The following YLPM1 variants were observed in gnomAD, a reference collection of about 807,000 sequenced individuals.
YLPM1 encodes the protein YLP motif containing 1, also known as YLP motif-containing protein 1.
A neutral mutation model predicts 230.0 loss-of-function variants in YLPM1; 99 were observed. The ratio of observed to expected loss-of-function variants is 0.43; its 90% CI spans 0.37 to 0.51. The LOEUF (loss-of-function observed/expected upper bound fraction) is 0.51, where lower values mean the gene tolerates loss of function less well. Ranked by LOEUF, YLPM1 falls within the 20% of genes least tolerant of loss-of-function variation. The pLI, the probability that YLPM1 is intolerant of heterozygous loss-of-function variation, is 0.00. For missense variants in YLPM1, 2,592 were observed against 2,707.7 expected (o/e 0.96, Z 0.95); for synonymous variants, 984 against 942.5 (o/e 1.04, Z -0.81).
At chr14:74,831,083 T>G (rs150813188) in intron 19 of YLPM1, among the ~76,000 whole-genome samples, 1 of 152,204 alleles carries the variant, frequency 6.6e-6, no homozygotes, top group South Asian at 2.1e-4. Flanking sequence ...AATCAAACTC[T>G]TTAACTTTTG....
At position 74,799,126 on chromosome 14, in the gene YLPM1, G is replaced by C; in HGVS notation, c.3829G>C (p.Asp1277His). Reference protein sequence around the residue: ...DWERDQDMDEDYNREMERDMD... With the variant: ...DWERDQDMDEHYNREMERDMD... ...GGAGAGAGACCAGGATATGGATGAG[G>C]ACTACAATAGGGAAATGGAAAGGGA... The change falls in exon 5 of 21, where the codon GAC becomes CAC. Residue 1277 changes from aspartate to histidine, a missense_variant. Physicochemically the swap from Asp to His is moderately conservative, Grantham distance 81. Transcript: ENST00000325680. 1 of 1,613,866 alleles carries C rather than the reference G, an allele frequency of 6.2e-7. No homozygotes were observed.
chr14:74,799,394 G>A lies in YLPM1; in HGVS notation c.4097G>A (p.Arg1366His), dbSNP rs372067701. ...GAGCATGGGTATGATCGAGATTTCC[G>A]TGATAGGGGTGAGTTGAGGATTCGA... is the stretch of plus-strand genomic sequence containing the variant. ...NREHGYDRDF[R>H]DRGELRIREY... Residue 1366 changes from arginine (R) to histidine (H), a missense_variant, in exon 5 of 21, where the codon CGT (arginine) becomes CAT (histidine). Around this residue, in one of 4 missense-constraint regions of YLPM1, gnomAD observed 1,862 missense variants for 1,819.8 expected, o/e 1.02. Coordinates refer to ENST00000325680, the MANE Select transcript of YLPM1 (RefSeq NM_019589.3). 36 of 1,613,898 alleles carry A rather than the reference G, an allele frequency of 2.2e-5. No individual in the cohort carries two copies. Among genetic ancestry groups the A allele is most frequent in the Admixed American group, 1.0e-4 (6 of 60,012 alleles).
chr14:74,824,518 G>A (rs2091547434), intron 18 of YLPM1, among the ~76,000 whole-genome samples: 1 of 152,018 alleles, frequency 6.6e-6, no homozygotes, highest in Non-Finnish European at 1.5e-5. Flanking sequence ...ACTATTTAAA[G>A]TTTTTAGAGT....
At chr14:74,829,455 T>G (rs894225557) in intron 19 of YLPM1, 112 bp downstream of exon 19, 1 of 1,421,838 alleles carries the variant, frequency 7.0e-7, no homozygotes, top group East Asian at 2.4e-5. Flanking sequence ...ATGATTTAGT[T>G]TACGCTATGT....
At chr14:74,803,214 A>G (rs74647593) in intron 6 of YLPM1, among the ~76,000 whole-genome samples, 1,746 of 152,230 alleles carry the variant, frequency 0.011, 37 homozygotes, top group African/African-American at 0.039. Flanking sequence ...ACCCCAGTAC[A>G]TACTTCAGAA....
At chr14:74,769,259 CTTTTTTTTTTTTTTT>C (rs34023289) in intron 1 of YLPM1, among the ~76,000 whole-genome samples, 4 of 38,410 alleles carry the variant, frequency 1.0e-4, no homozygotes, top group East Asian at 2.3e-3. Flanking sequence ...GTATTTTTAT[CTTTTTTTTTTTTTTT>C]TTTTTTTTTT....
intron 1 of YLPM1, 129 bp downstream of exon 1, chr14:74,764,491 T>G (rs2140062486): frequency 1.6e-6 from 2 of 1,264,842 alleles, no homozygotes; most frequent in East Asian, 5.1e-5. Context: ...AAGGATTCCG[T>G]AAGAGTCAGA....
chr14:74,778,501 A>C lies in YLPM1; in HGVS notation c.928A>C (p.Lys310Gln). ...QHLLSLQQRT[K>Q]VHLPGHKKGP... ...CTTGCTTAGTTTGCAACAGAGGACA[A>C]AAGTTCATTTGCCAGGACACAAAAA... is the stretch of plus-strand genomic sequence containing the variant. The change falls in exon 2 of 21, where the codon AAA becomes CAA. Residue 310 changes from lysine to glutamine, a missense_variant. Lys to Gln is a moderately conservative substitution (Grantham distance 53). Transcript: ENST00000325680. 6.2e-7 allele frequency: 1 copy of C among 1,609,506 alleles called. No individual in the cohort carries two copies. The highest frequency in any genetic ancestry group is 8.5e-7 in the Non-Finnish European group (1 of 1,177,922).
At chr14:74,776,683 T>G (rs2140081625) in intron 1 of YLPM1, among the ~76,000 whole-genome samples, 1 of 152,324 alleles carries the variant, frequency 6.6e-6, no homozygotes, top group African/African-American at 2.4e-5. Context: ...AATGCACACA[T>G]GAGTCAGGGG....
chr14:74,770,197 C>G (rs1384126629), intron 1 of YLPM1, among the ~76,000 whole-genome samples: 2 of 150,208 alleles, frequency 1.3e-5, no homozygotes, highest in Admixed American at 6.6e-5. Context: ...AAAAAAAAAC[C>G]TAGCCAGGCA....
intron 18 of YLPM1, chr14:74,827,281 A>G (rs2091571395): frequency 2.2e-6 from 2 of 912,386 alleles, no homozygotes; most frequent in Admixed American, 6.2e-5. Flanking sequence ...ATTAGTGTGC[A>G]TGTATTGAAC....
In YLPM1 at chr14:74,764,263, A is replaced by G; in HGVS notation, c.774A>G (p.Thr258=). 6.2e-7 allele frequency: 1 copy of G among 1,613,872 alleles called. No individual in the cohort carries two copies. The highest frequency in any genetic ancestry group is 1.1e-5 in the South Asian group (1 of 91,080). Residue 258 remains threonine (T), a synonymous_variant, in exon 1 of 21, where the codon ACA becomes ACG. Coordinates refer to ENST00000325680, the MANE Select transcript of YLPM1 (RefSeq NM_019589.3). ...CGTCCGCCCCCCCTGGAAATAAGACAACTGTCCAGCAAGAGCCTTTGGAGA... is the reference window on the plus strand; with the variant it reads ...CGTCCGCCCCCCCTGGAAATAAGACGACTGTCCAGCAAGAGCCTTTGGAGA... ...PPPSAPPGNK[T]TVQQEPLESG...
rs1358183061 is a variant in YLPM1 at position 74,818,237 on chromosome 14, G to C, written c.5953G>C (p.Asp1985His). 1 of 1,599,740 alleles carries C rather than the reference G, an allele frequency of 6.3e-7. No individual in the cohort carries two copies. The highest frequency in any genetic ancestry group is 1.7e-5 in the Admixed American group (1 of 57,752). ...CATCTGAATTTTTCAATAGATGGCT[G>C]ATCACTGGGAAACTGCACCTCGTCA... is the stretch of plus-strand genomic sequence containing the variant. ...RKLKEINKMA[D>H]HWETAPRHMM... The change falls in exon 16 of 21, where the codon GAT (aspartate) becomes CAT (histidine). Residue 1985 changes from aspartate to histidine, a missense_variant. By Grantham distance (81) the Asp-to-His change is moderately conservative. Transcript: ENST00000325680.
chr14:74,792,367 C>G (rs1358834007), intron 4 of YLPM1, among the ~76,000 whole-genome samples: 2 of 152,150 alleles, frequency 1.3e-5, no homozygotes, highest in African/African-American at 4.8e-5. Flanking sequence ...CTATCAAGCC[C>G]AGTAAAACAT....
chr14:74,824,853 G>A (rs1044261587), intron 18 of YLPM1, among the ~76,000 whole-genome samples: 2 of 151,964 alleles, frequency 1.3e-5, no homozygotes, highest in Non-Finnish European at 2.9e-5. Flanking sequence ...CAAATTCCAA[G>A]GTAAACCAGT....
chr14:74,817,168 C>A (rs771138883), intron 14 of YLPM1, 26 bp from the exon 15 acceptor site: 72 of 1,595,272 alleles, frequency 4.5e-5, no homozygotes, highest in Non-Finnish European at 6.1e-5. Flanking sequence ...TATATCTTTG[C>A]CTAATTATTA....
At chr14:74,810,145 G>C in intron 8 of YLPM1, 80 bp from the exon 9 acceptor site, 2 of 1,522,678 alleles carry the variant, frequency 1.3e-6, no homozygotes, top group Non-Finnish European at 1.8e-6. Flanking sequence ...ATTTATACCA[G>C]CTCTGAAGTT....
At chr14:74,794,507 G>A (rs1444014820) in intron 4 of YLPM1, among the ~76,000 whole-genome samples, 2 of 152,062 alleles carry the variant, frequency 1.3e-5, no homozygotes, top group Non-Finnish European at 2.9e-5. Context: ...TTCTGATTAG[G>A]TTGGGTCACA....
In YLPM1 at chr14:74,809,638, G is replaced by A. The variant is rs758916349; in HGVS notation, c.4780G>A (p.Glu1594Lys). 6.2e-7 allele frequency: 1 copy of A among 1,614,018 alleles called. No individual in the cohort carries two copies. Among genetic ancestry groups the A allele is most frequent in the South Asian group, 1.1e-5 (1 of 91,078 alleles). ...AAATGATGAACAAGGACTGAATTCA[G>A]AATTTAAGTCAGAAACTGCAGCAAT... is the stretch of plus-strand genomic sequence containing the variant. The part of the protein sequence containing the change: ...DTNDEQGLNS[E>K]FKSETAAIPS... The change falls in exon 7 of 21, where the codon GAA (glutamate) becomes AAA (lysine). Residue 1594 changes from glutamate to lysine, a missense_variant. Transcript: ENST00000325680.
Sources: gnomAD v4.1 joint callset for allele counts (sites outside exome capture counted in the v4.1 genomes callset) on GRCh38, gnomAD v4.1.1 for gene constraint, gnomAD v4.1.1 regional missense constraint, MANE v1.5 for transcripts, NCBI Gene and HGNC (gene_info 2026-07-23, HGNC 2026-07-21) for gene names.